The following OSBPL3 variants were observed in gnomAD, a reference collection of about 807,000 sequenced individuals.
The protein encoded by OSBPL3 is oxysterol-binding protein-related protein 3.
Under a neutral mutation model 120.1 loss-of-function variants are expected in OSBPL3, and 65 were observed. The ratio of observed to expected loss-of-function variants is 0.54; its 90% CI spans 0.44 to 0.67. OSBPL3 has a LOEUF of 0.67. Ranked by LOEUF, OSBPL3 falls within the 30% of genes least tolerant of loss-of-function variation. OSBPL3 has a pLI of 0.00. For missense variants in OSBPL3, 1,004 were observed against 1,082.1 expected, an observed-to-expected ratio of 0.93 and a Z score of 1.01; for synonymous variants, 416 against 402.6, an observed-to-expected ratio of 1.03 and a Z score of -0.40.
At chr7:24,950,647 A>G (rs1455743118) in intron 1 of OSBPL3, among the ~76,000 whole-genome samples, 3 of 152,214 alleles carry the variant, frequency 2.0e-5, no homozygotes, top group Non-Finnish European at 2.9e-5. Flanking sequence ...GCACGAACCC[A>G]AGAGGCGAAG....
intron 1 of OSBPL3, among the ~76,000 whole-genome samples, chr7:24,960,865 G>T (rs1446707244): frequency 6.6e-6 from 1 of 152,064 alleles, no homozygotes; most frequent in African/African-American, 2.4e-5. Flanking sequence ...AAAGAAATAA[G>T]AAAAAAGATA....
At chr7:24,902,701 A>AAAT (rs70942894) in intron 1 of OSBPL3, among the ~76,000 whole-genome samples, 7,444 of 143,976 alleles carry the variant, frequency 0.052, 243 homozygotes, top group African/African-American at 0.081. Context: ...AAGAGAAAAT[A>AAAT]AATAATAATA....
Position 24,877,434 on chromosome 7 carries a change from C to A in OSBPL3, c.97-5365G>T, listed in dbSNP as rs1270269681. ...ATATTTGGAAAGCCTGCCCCATCTA[C>A]CTCTTAGCCAGGTAAATTCTCATTT... On this transcript the variant is annotated intron_variant, in intron 2 of 22. Coordinates refer to ENST00000313367, the MANE Select transcript of OSBPL3 (RefSeq NM_015550.4). The surrounding 1 kb of genome is among the most constrained non-coding windows in gnomAD (Gnocchi z 4.8). 6.6e-6 allele frequency among the ~76,000 whole-genome samples: 1 copy of A among 152,160 alleles called. No homozygotes were observed. Among genetic ancestry groups the A allele is most frequent in the Non-Finnish European group, 1.5e-5 (1 of 68,018 alleles).
In OSBPL3 at chr7:24,804,231, A is replaced by C. The variant is rs556548206; in HGVS notation, c.2567+84T>G. On this transcript the variant is annotated intron_variant, in intron 22 of 22. Transcript: ENST00000313367. This position sits in a 1 kb window ranked among gnomAD's most constrained non-coding sequence, Gnocchi z 5.4. ...CTGGAGAATGCTCTTATCTGGGGAC[A>C]GTACTGTTCACTTTCTGCAAACCAG... The C allele has an allele frequency of 6.7e-7, 1 of 1,498,072 alleles. No individual in the cohort carries two copies. The highest frequency in any genetic ancestry group is 9.3e-7 in the Non-Finnish European group (1 of 1,077,878). 92.8% of individuals were successfully genotyped at this position (1,498,072 alleles called of 1,614,324 possible). A position where few individuals can be genotyped will look rare whatever the true frequency, so the allele number is the denominator to read the frequency against.
rs527335845 is a variant in OSBPL3 at position 24,882,854 on chromosome 7, C to T, written c.96+9523G>A. Reference sequence around the variant, plus strand: ...GAACATTTTTTCATATACTTGTTGGCCACTTGTATGTCTTCTTTTGAAAAA... The same window carrying T: ...GAACATTTTTTCATATACTTGTTGGTCACTTGTATGTCTTCTTTTGAAAAA... On this transcript the variant is annotated intron_variant, in intron 2 of 22. Transcript: ENST00000313367. 9.2e-5 allele frequency among the ~76,000 whole-genome samples: 14 copies of T among 152,192 alleles called. No homozygotes were observed. In the East Asian group the frequency reaches 2.7e-3, roughly 29 times the overall value.
chr7:24,913,477 C>A lies in OSBPL3; in HGVS notation c.-149-20856G>T, dbSNP rs1404770263. Among the ~76,000 whole-genome samples, 2 of 152,090 alleles carry A rather than the reference C, an allele frequency of 1.3e-5. No individual in the cohort carries two copies. The highest frequency in any genetic ancestry group is 4.8e-5 in the African/African-American group (2 of 41,402). ...GAAGGGGGCTCCTTGACCAACAAAC[C>A]CTGACTCCCTTATAAAGTCACTTAC... On this transcript the variant is annotated intron_variant, in intron 1 of 22. Transcript: ENST00000313367. The surrounding 1 kb of genome is among the most constrained non-coding windows in gnomAD (Gnocchi z 5.3).
At chr7:24,943,982 TC>T (rs1387298723) in intron 1 of OSBPL3, among the ~76,000 whole-genome samples, 1 of 151,826 alleles carries the variant, frequency 6.6e-6, no homozygotes, top group Non-Finnish European at 1.5e-5. Flanking sequence ...TAATCAGTCT[TC>T]CTGGCATGGA....
Position 24,815,161 on chromosome 7 carries a change from G to A in OSBPL3, c.2070C>T (p.Ile690=). Residue 690 remains isoleucine (I), a synonymous_variant, in exon 19 of 23, where the codon ATC becomes ATT. Transcript: ENST00000313367. The surrounding 1 kb of genome is among the most constrained non-coding windows in gnomAD (Gnocchi z 5.1). The stretch of plus-strand genomic sequence containing the variant: ...ACCTCTGCCCGCTTAAGATGTTATG[G>A]ATGCAAGAGGTCACTTTGTTCCACT... ...HFEWNKVTSC[I]HNILSGQRWI... 4 of 1,613,596 alleles carry A rather than the reference G, an allele frequency of 2.5e-6. No homozygotes were observed. Among genetic ancestry groups the A allele is most frequent in the Non-Finnish European group, 3.4e-6 (4 of 1,179,518 alleles).
rs757244525 is a variant in OSBPL3, at chr7:24,849,171, T to C, written c.1164A>G (p.Leu388=). ...GTTCTTTAAGATCTGTGTTTTGTGC[T>C]AGGGCCTGGAACATGTTAAAATAGT... The part of the protein sequence containing the change: ...IGLKNALSSA[L]AQNTDLKERL... The change falls in exon 12 of 23, where the codon CTA becomes CTG. Residue 388 remains leucine, a synonymous_variant. Transcript: ENST00000313367. This position sits in a 1 kb window ranked among gnomAD's most constrained non-coding sequence, Gnocchi z 5.4. 2 of 1,612,722 alleles carry C rather than the reference T, an allele frequency of 1.2e-6. No individual in the cohort carries two copies. Among genetic ancestry groups the C allele is most frequent in the East Asian group, 2.2e-5 (1 of 44,868 alleles).
At position 24,808,947 on chromosome 7, in the gene OSBPL3, T is replaced by C. The variant is rs893119320; in HGVS notation, c.2317+860A>G. ...TGTCATGCAGGGGTATGACACTGAATGGTAACAACCATTTTGCATTCATTA... is the reference window on the plus strand; with the variant it reads ...TGTCATGCAGGGGTATGACACTGAACGGTAACAACCATTTTGCATTCATTA... On this transcript the variant is annotated intron_variant, in intron 20 of 22. Transcript: ENST00000313367. This position sits in a 1 kb window ranked among gnomAD's most constrained non-coding sequence, Gnocchi z 4.6. Among the ~76,000 whole-genome samples, 1 of 152,174 alleles carries C rather than the reference T, an allele frequency of 6.6e-6. No homozygotes were observed. Among genetic ancestry groups the C allele is most frequent in the African/African-American group, 2.4e-5 (1 of 41,430 alleles).
chr7:24,868,855 G>A (rs1414659586), intron 5 of OSBPL3, among the ~76,000 whole-genome samples: 4 of 152,182 alleles, frequency 2.6e-5, no homozygotes, highest in Non-Finnish European at 5.9e-5. Flanking sequence ...CAGTGCCCAA[G>A]CACTCATCTG....
intron 9 of OSBPL3, 62 bp from the exon 10 acceptor site, chr7:24,861,831 G>T: frequency 9.3e-7 from 1 of 1,073,602 alleles, no homozygotes; most frequent in South Asian, 1.8e-5. Context: ...ATATTTACTT[G>T]ATTCTAAGAT....
intron 1 of OSBPL3, among the ~76,000 whole-genome samples, chr7:24,908,424 C>G (rs905042476): frequency 3.3e-5 from 5 of 152,186 alleles, no homozygotes; most frequent in African/African-American, 9.7e-5. Context: ...GAGAAGAAAG[C>G]GCCCTCCATA....
rs936231987 is a variant in OSBPL3, at chr7:24,980,017, C to T, written c.-281G>A. Reference sequence around the variant, plus strand: ...AACGTGCAGCTGACAGCTCCCGCACCGGCCGCAGGAGTCGGGGGCGGGGAT... The same window carrying T: ...AACGTGCAGCTGACAGCTCCCGCACTGGCCGCAGGAGTCGGGGGCGGGGAT... On this transcript the variant is annotated 5_prime_UTR_variant, in exon 1 of 23. Coordinates refer to ENST00000313367, the MANE Select transcript of OSBPL3 (RefSeq NM_015550.4). The T allele has an allele frequency of 2.0e-6, 2 of 985,480 alleles. No homozygotes were observed. The highest frequency in any genetic ancestry group is 4.7e-5 in the South Asian group (1 of 21,292). The allele number at this position is 985,480 out of a possible 1,614,324, so 61.0% of individuals were successfully genotyped here.
Position 24,830,568 on chromosome 7 carries a change from C to T in OSBPL3, c.1884+200G>A, listed in dbSNP as rs1391509808. Among the ~76,000 whole-genome samples, 2 of 152,106 alleles carry T rather than the reference C, an allele frequency of 1.3e-5. No individual in the cohort carries two copies. Among genetic ancestry groups the T allele is most frequent in the African/African-American group, 4.8e-5 (2 of 41,410 alleles). On this transcript the variant is annotated intron_variant, in intron 16 of 22. Transcript: ENST00000313367. The surrounding 1 kb of genome is among the most constrained non-coding windows in gnomAD (Gnocchi z 4.4). ...GTAGCCAAGCAAGTGTGCAGAATTA[C>T]GGGTGGTAACTTTATGCCCCTGGGT...
chr7:24,920,714 C>G (rs747673416), intron 1 of OSBPL3, among the ~76,000 whole-genome samples: 1 of 152,114 alleles, frequency 6.6e-6, no homozygotes, highest in African/African-American at 2.4e-5. Context: ...ATAGCAAGCT[C>G]AGTTGAAAAC....
chr7:24,968,940 T>C lies in OSBPL3; in HGVS notation c.-150+10946A>G, dbSNP rs1047198212. On this transcript the variant is annotated intron_variant, in intron 1 of 22. Coordinates refer to ENST00000313367, the MANE Select transcript of OSBPL3 (RefSeq NM_015550.4). The surrounding 1 kb of genome is among the most constrained non-coding windows in gnomAD (Gnocchi z 4.6). ...ATTAAGTTACTTGCAATCTGGTATT[T>C]ATTCAAATACTCCAAGAAACAATTT... Among the ~76,000 whole-genome samples the C allele has an allele frequency of 6.6e-6, 1 of 152,232 alleles. No individual in the cohort carries two copies. Among genetic ancestry groups the C allele is most frequent in the Non-Finnish European group, 1.5e-5 (1 of 68,036 alleles).
At chr7:24,870,672 T>A (rs990242016) in intron 5 of OSBPL3, 60 bp downstream of exon 5, 21 of 1,041,118 alleles carry the variant, frequency 2.0e-5, no homozygotes, top group African/African-American at 4.7e-5. Context: ...ACCAATAGTA[T>A]AATAACTGAT....
rs1168544718 is a variant in OSBPL3, at chr7:24,873,914, G to A, written c.97-1845C>T. 6.6e-6 allele frequency among the ~76,000 whole-genome samples: 1 copy of A among 152,170 alleles called. No individual in the cohort carries two copies. The highest frequency in any genetic ancestry group is 2.4e-5 in the African/African-American group (1 of 41,426). ...CCATTTCATCCTTAGAGACTCCATA[G>A]GTACTCCATCTTACTTTTCTGGAGG... On this transcript the variant is annotated intron_variant, in intron 2 of 22. Coordinates refer to ENST00000313367, the MANE Select transcript of OSBPL3 (RefSeq NM_015550.4). This position sits in a 1 kb window ranked among gnomAD's most constrained non-coding sequence, Gnocchi z 4.1.
Sources: gnomAD v4.1 joint callset for allele counts (sites outside exome capture counted in the v4.1 genomes callset) on GRCh38, gnomAD v4.1.1 for gene constraint, Gnocchi (gnomAD v3.1) non-coding constraint, MANE v1.5 for transcripts, NCBI Gene and HGNC (gene_info 2026-07-23, HGNC 2026-07-21) for gene names.